CNTNAP5: variants seen among roughly 807,000 people sequenced by gnomAD.
The protein encoded by CNTNAP5 is contactin associated protein family member 5, also known as contactin-associated protein-like 5.
In CNTNAP5, 72 loss-of-function variants were observed where a neutral mutation model predicts 150.2. That is an observed-to-expected ratio of 0.48 (90% confidence interval 0.40 to 0.58). The LOEUF is 0.58. Among genes scored for constraint, CNTNAP5 ranks in the 20% least tolerant of loss-of-function variants. The pLI, the probability that CNTNAP5 is intolerant of heterozygous loss-of-function variation, is 0.00. For synonymous variants in CNTNAP5, 672 were observed against 619.8 expected, an observed-to-expected ratio of 1.08 and a Z score of -1.25; for missense variants, 1,636 against 1,626.2, an observed-to-expected ratio of 1.01 and a Z score of -0.10.
chr2:124,901,395 A>G (rs1388222787), intron 21 of CNTNAP5, among the ~76,000 whole-genome samples: 3 of 152,176 alleles, frequency 2.0e-5, no homozygotes, highest in East Asian at 3.9e-4. Context: ...AAGGTCCTCA[A>G]AAGTGAAAGA....
At chr2:124,294,275 G>C (rs1297875701) in intron 3 of CNTNAP5, among the ~76,000 whole-genome samples, 3 of 129,392 alleles carry the variant, frequency 2.3e-5, no homozygotes, top group Non-Finnish European at 5.0e-5. Context: ...GGGCACAACA[G>C]ATAAATGCAA....
chr2:124,242,085 T>C lies in CNTNAP5; in HGVS notation c.188-115T>C, dbSNP rs1229798682. On this transcript the variant is annotated intron_variant, in intron 2 of 23. Transcript: ENST00000682447. Reference sequence around the variant, plus strand: ...AGAGGCAGGGAAGAGTAGGGCCCATTTGGGGGTAGAGTCATCTTAGTTGAA... The same window carrying C: ...AGAGGCAGGGAAGAGTAGGGCCCATCTGGGGGTAGAGTCATCTTAGTTGAA... 1.0e-5 allele frequency: 8 copies of C among 782,036 alleles called. No individual in the cohort carries two copies. The Admixed American group carries it at 2.0e-4, about 20-fold the overall frequency. 48.4% of individuals were successfully genotyped at this position (782,036 alleles called of 1,614,324 possible).
At chr2:124,862,109 T>G (rs1469241899) in intron 19 of CNTNAP5, among the ~76,000 whole-genome samples, 3 of 152,352 alleles carry the variant, frequency 2.0e-5, no homozygotes, top group Non-Finnish European at 4.4e-5. Flanking sequence ...CCATCACACC[T>G]AGCCCAGTTT....
chr2:124,471,390 T>C (rs1361713701), intron 6 of CNTNAP5, among the ~76,000 whole-genome samples: 1 of 152,180 alleles, frequency 6.6e-6, no homozygotes, highest in African/African-American at 2.4e-5. Context: ...TGTATAGGAA[T>C]GCTAGTGATT....
chr2:124,724,338 G>A (rs1163408574), intron 13 of CNTNAP5, among the ~76,000 whole-genome samples: 1 of 151,968 alleles, frequency 6.6e-6, no homozygotes, highest in African/African-American at 2.4e-5. Flanking sequence ...GTGAAGTACA[G>A]GTGAAGGACC....
At chr2:124,482,658 C>T (rs1693786320) in intron 7 of CNTNAP5, among the ~76,000 whole-genome samples, 1 of 152,000 alleles carries the variant, frequency 6.6e-6, no homozygotes, top group South Asian at 2.1e-4. Context: ...AATGTAAGAG[C>T]TTGAGGGCGG....
chr2:124,354,063 G>A (rs1689937542), intron 3 of CNTNAP5, among the ~76,000 whole-genome samples: 1 of 152,060 alleles, frequency 6.6e-6, no homozygotes, highest in Non-Finnish European at 1.5e-5. Flanking sequence ...GATGAAACCA[G>A]ATACAAGTAT....
rs549765765 is a variant in CNTNAP5, at chr2:124,280,737, C to T, written c.381+38344C>T. On this transcript the variant is annotated intron_variant, in intron 3 of 23. Coordinates refer to ENST00000682447, the MANE Select transcript of CNTNAP5 (RefSeq NM_001367498.1). ...CTTCAAATCAAGACACTTCTCTTATCCCATCTTGTTACATGACCCCAGTTC... is the reference window on the plus strand; with the variant it reads ...CTTCAAATCAAGACACTTCTCTTATTCCATCTTGTTACATGACCCCAGTTC... Among the ~76,000 whole-genome samples the T allele has an allele frequency of 4.3e-4, 65 of 152,130 alleles. No individual in the cohort carries two copies. In the South Asian group the frequency reaches 5.6e-3, roughly 13 times the overall value.
At chr2:124,679,576 T>A (rs981036414) in intron 13 of CNTNAP5, among the ~76,000 whole-genome samples, 1 of 151,712 alleles carries the variant, frequency 6.6e-6, no homozygotes, top group South Asian at 2.1e-4. Context: ...CATATCTTTT[T>A]TTTTTTTGGA....
intron 3 of CNTNAP5, among the ~76,000 whole-genome samples, chr2:124,348,434 T>C (rs1486529344): frequency 6.6e-6 from 1 of 152,214 alleles, no homozygotes; most frequent in African/African-American, 2.4e-5. Context: ...TCTCTCACTA[T>C]TAAGTATGTT....
At chr2:124,578,156 CAAAAAAAAAA>C (rs556786620) in intron 11 of CNTNAP5, among the ~76,000 whole-genome samples, 3 of 69,496 alleles carry the variant, frequency 4.3e-5, no homozygotes, top group African/African-American at 1.1e-4. Flanking sequence ...ACTAAAAATA[CAAAAAAAAAA>C]AAAAAAAAAA....
intron 1 of CNTNAP5, among the ~76,000 whole-genome samples, chr2:124,033,748 A>G (rs1284137950): frequency 2.0e-5 from 3 of 152,186 alleles, no homozygotes; most frequent in East Asian, 1.9e-4. Context: ...TCTGTCCCCA[A>G]ACAACCCTTC....
chr2:124,240,237 A>G (rs1300781660), intron 2 of CNTNAP5, among the ~76,000 whole-genome samples: 1 of 152,182 alleles, frequency 6.6e-6, no homozygotes, highest in African/African-American at 2.4e-5. Context: ...TCATTCATCT[A>G]CTAGGTGAAC....
chr2:124,127,336 G>T (rs2104595128), intron 1 of CNTNAP5, among the ~76,000 whole-genome samples: 1 of 152,120 alleles, frequency 6.6e-6, no homozygotes, highest in South Asian at 2.1e-4. Context: ...AAAATACCTA[G>T]GAATCCAACT....
Position 124,152,240 on chromosome 2 carries a change from G to A in CNTNAP5, c.83-69465G>A, listed in dbSNP as rs142612250. 2.4e-3 allele frequency among the ~76,000 whole-genome samples: 369 copies of A among 152,302 alleles called. 1 individual carries two copies. The highest frequency in any genetic ancestry group is 0.017 in the Middle Eastern group (5 of 294). On this transcript the variant is annotated intron_variant, in intron 1 of 23. Coordinates refer to ENST00000682447, the MANE Select transcript of CNTNAP5 (RefSeq NM_001367498.1). ...CCTTACCTGAGGATTCCCCCAAGAAGTGAAGCAACACAAAAACTGATATGA... is the reference window on the plus strand; with the variant it reads ...CCTTACCTGAGGATTCCCCCAAGAAATGAAGCAACACAAAAACTGATATGA...
At chr2:124,853,782 T>C (rs1381241221) in intron 19 of CNTNAP5, among the ~76,000 whole-genome samples, 1 of 152,180 alleles carries the variant, frequency 6.6e-6, no homozygotes, top group East Asian at 1.9e-4. Context: ...ATCCAATAGT[T>C]GTTTTCTTGA....
chr2:124,365,577 C>T (rs918643628), intron 3 of CNTNAP5, among the ~76,000 whole-genome samples: 1 of 152,110 alleles, frequency 6.6e-6, no homozygotes, highest in Non-Finnish European at 1.5e-5. Context: ...TGTCCCTTTC[C>T]AATAGTAACA....
chr2:124,098,485 A>G (rs2104693713), intron 1 of CNTNAP5, among the ~76,000 whole-genome samples: 1 of 152,284 alleles, frequency 6.6e-6, no homozygotes, highest in South Asian at 2.1e-4. Context: ...CATAACAGCT[A>G]ATTGCTTTAC....
chr2:124,106,303 C>G (rs56115267), intron 1 of CNTNAP5, among the ~76,000 whole-genome samples: 40,076 of 152,032 alleles, frequency 0.26, 5,391 homozygotes, highest in African/African-American at 0.31. Flanking sequence ...TTTGGTGTGC[C>G]AACAAGTTAC....
Sources: gnomAD v4.1 joint callset for allele counts (sites outside exome capture counted in the v4.1 genomes callset) on GRCh38, gnomAD v4.1.1 for gene constraint, MANE v1.5 for transcripts, NCBI Gene and HGNC (gene_info 2026-07-23, HGNC 2026-07-21) for gene names.